Variants in SF3B2 observed in about 807,000 individuals in gnomAD.
The protein encoded by SF3B2 is SAP 145.
In SF3B2, 22 loss-of-function variants were observed where a neutral mutation model predicts 116.3. That is an observed-to-expected ratio of 0.19 (90% CI 0.14 to 0.27). The LOEUF (loss-of-function observed/expected upper bound fraction) is 0.27. Among genes scored for constraint, SF3B2 ranks in the 10% least tolerant of loss-of-function variants. The pLI is 1.00. For missense variants in SF3B2, 767 were observed against 1,151.4 expected (o/e 0.67, Z 4.83); for synonymous variants, 406 against 421.6 (o/e 0.96, Z 0.45).
rs1479769671 is a variant in SF3B2 at position 66,058,922 on chromosome 11, C to T, written c.1059C>T (p.Asp353=). 6.2e-7 allele frequency: 1 copy of T among 1,614,104 alleles called. No individual in the cohort carries two copies. Among genetic ancestry groups the T allele is most frequent in the Admixed American group, 1.7e-5 (1 of 60,030 alleles). The part of the protein sequence containing the change: ...SSESSGDREK[D]STRSRGSDSP... ...AGAGCTCTGGGGACCGGGAGAAAGA[C>T]TCAACCCGGTCCCGTGGCTCTGATT... The change falls in exon 10 of 22, where the codon GAC becomes GAT. Residue 353 remains aspartate, a synonymous_variant. Transcript: ENST00000322535.
intron 7 of SF3B2, 99 bp from the exon 8 acceptor site, chr11:66,057,953 CAA>C (rs1272660779): frequency 2.6e-5 from 23 of 885,550 alleles, no homozygotes; most frequent in Admixed American, 1.3e-4. Context: ...GCCTGGGCAA[CAA>C]GAGCAAAACT....
rs1390791432 is a variant in SF3B2, at chr11:66,059,444, A to T, written c.1321-71A>T. On this transcript the variant is annotated intron_variant, in intron 11 of 21. Transcript: ENST00000322535. The surrounding 1 kb of genome is among the most constrained non-coding windows in gnomAD (Gnocchi z 5.0). The stretch of plus-strand genomic sequence containing the variant: ...ACTCTTACAGAGCTTTGGTGGCTTA[A>T]GGTTGGGGTGGGTTGGGCAGTTTCA... The T allele has an allele frequency of 6.2e-7, 1 of 1,608,784 alleles. No individual in the cohort carries two copies. Among genetic ancestry groups the T allele is most frequent in the East Asian group, 2.2e-5 (1 of 44,832 alleles).
chr11:66,052,617 G>A, intron 1 of SF3B2, 56 bp from the exon 2 acceptor site: 1 of 1,592,036 alleles, frequency 6.3e-7, no homozygotes, highest in Non-Finnish European at 8.6e-7. Context: ...GCAGGCCGCT[G>A]GGGCCTGACC....
Position 66,059,473 on chromosome 11 carries a change from A to G in SF3B2, c.1321-42A>G, listed in dbSNP as rs1590713009. 4.3e-6 allele frequency: 7 copies of G among 1,611,648 alleles called. No homozygotes were observed. The highest frequency in any genetic ancestry group is 5.9e-6 in the Non-Finnish European group (7 of 1,178,024). On this transcript the variant is annotated intron_variant, in intron 11 of 21. Transcript: ENST00000322535. The surrounding 1 kb of genome is among the most constrained non-coding windows in gnomAD (Gnocchi z 5.0). ...TGGGGTGGGTTGGGCAGTTTCATTCACATCTGAGTCCTGCTTAAAAGGGCT... is the reference window on the plus strand; with the variant it reads ...TGGGGTGGGTTGGGCAGTTTCATTCGCATCTGAGTCCTGCTTAAAAGGGCT...
In SF3B2 at chr11:66,053,247, G is replaced by C. The variant is rs1188511478; in HGVS notation, c.258+143G>C. 7.9e-5 allele frequency: 62 copies of C among 786,320 alleles called. 1 individual carries two copies. In the Admixed American group the frequency reaches 1.2e-3, roughly 15 times the overall value. 48.7% of individuals were successfully genotyped at this position (786,320 alleles called of 1,614,324 possible). A position where few individuals can be genotyped will look rare whatever the true frequency, so the allele number is the denominator to read the frequency against. ...CCTGACCTGAGTGGGGAAAAAAAAAGATTCCATATGTTCAGGGTAGCCCTT... is the reference window on the plus strand; with the variant it reads ...CCTGACCTGAGTGGGGAAAAAAAAACATTCCATATGTTCAGGGTAGCCCTT... On this transcript the variant is annotated intron_variant, in intron 3 of 21. Transcript: ENST00000322535.
chr11:66,063,193 CAG>C lies in SF3B2; in HGVS notation c.2085+78_2085+79del. ...GATTGTTGGTTTATAGCTTCATTAT[CAG>C]GGAGTTGTGTGTTCTGACACAGCAG... On this transcript the variant is annotated intron_variant, in intron 17 of 21. Coordinates refer to ENST00000322535, the MANE Select transcript of SF3B2 (RefSeq NM_006842.3). The C allele has an allele frequency of 4.2e-6, 5 of 1,198,060 alleles. No homozygotes were observed. The South Asian group carries it at 6.8e-5, about 16-fold the overall frequency. The allele number at this position is 1,198,060 out of a possible 1,614,324, so 74.2% of individuals were successfully genotyped here. A position where few individuals can be genotyped will look rare whatever the true frequency, so the allele number is the denominator to read the frequency against.
At chr11:66,065,797 G>T (rs1306888155) in intron 19 of SF3B2, 1 of 151,964 alleles carries the variant, frequency 6.6e-6, no homozygotes, top group African/African-American at 2.4e-5. Context: ...TTTGATTTCG[G>T]GTCTTTTAAA....
intron 13 of SF3B2, 50 bp downstream of exon 13, chr11:66,060,059 A>G (rs755847668): frequency 1.3e-6 from 2 of 1,526,626 alleles, no homozygotes; most frequent in South Asian, 1.1e-5. Context: ...CCCATCCTTC[A>G]TAGCAGTGTG....
chr11:66,062,874 T>G, intron 16 of SF3B2, 135 bp from the exon 17 acceptor site: 1 of 502,950 alleles, frequency 2.0e-6, no homozygotes, highest in African/African-American at 2.0e-5. Context: ...TTCATAACAT[T>G]TGATTTAATT....
intron 5 of SF3B2, among the ~76,000 whole-genome samples, chr11:66,056,329 G>T (rs1488520743): frequency 6.6e-6 from 1 of 151,296 alleles, no homozygotes; most frequent in Non-Finnish European, 1.5e-5. Context: ...GAGCTGGGGA[G>T]GCCGAGGTTG....
At position 66,068,618 on chromosome 11, in the gene SF3B2, G is replaced by T. The variant is rs1857233758; in HGVS notation, c.2617-56G>T. 6 of 1,474,310 alleles carry T rather than the reference G, an allele frequency of 4.1e-6. No homozygotes were observed. In the South Asian group the frequency reaches 6.9e-5, roughly 17 times the overall value. The allele number at this position is 1,474,310 out of a possible 1,614,324, so 91.3% of individuals were successfully genotyped here. A position where few individuals can be genotyped will look rare whatever the true frequency, so the allele number is the denominator to read the frequency against. On this transcript the variant is annotated intron_variant, in intron 21 of 21. Coordinates refer to ENST00000322535, the MANE Select transcript of SF3B2 (RefSeq NM_006842.3). ...ATGTCAGGCTGCCCACCCTTGTTTT[G>T]GGGGTCCGGGGGTGGTTCAACCTGT...
At chr11:66,060,451 G>A in intron 13 of SF3B2, 131 bp from the exon 14 acceptor site, 1 of 1,076,692 alleles carries the variant, frequency 9.3e-7, no homozygotes, top group Non-Finnish European at 1.3e-6. Flanking sequence ...GGTTTTAGCA[G>A]GAAGGATTTT....
In SF3B2 at chr11:66,068,281, T is replaced by G; in HGVS notation, c.2564T>G (p.Val855Gly). The change falls in exon 21 of 22, where the codon GTA (valine) becomes GGA (glycine). Residue 855 changes from valine to glycine, a missense_variant. By Grantham distance (109) the Val-to-Gly change is moderately radical. This residue lies in a region of SF3B2 where 282 missense variants were observed against 568.0 expected (regional missense o/e 0.50). Transcript: ENST00000322535. ...CATGTGCGGGAGCAGCAGGCTCAAG[T>G]AGAGAAGGAGGACTTCAGTGACATG... is the stretch of plus-strand genomic sequence containing the variant. ...EEHVREQQAQ[V>G]EKEDFSDMVA... 6.2e-7 allele frequency: 1 copy of G among 1,613,736 alleles called. No individual in the cohort carries two copies. The highest frequency in any genetic ancestry group is 8.5e-7 in the Non-Finnish European group (1 of 1,179,956).
chr11:66,053,165 A>G (rs1277452568), intron 3 of SF3B2, 61 bp downstream of exon 3: 36 of 1,481,154 alleles, frequency 2.4e-5, no homozygotes, highest in Non-Finnish European at 3.3e-5. Flanking sequence ...GTTCATGAGC[A>G]TGATGATTGG....
intron 5 of SF3B2, chr11:66,055,841 A>C: frequency 2.0e-6 from 1 of 492,852 alleles, no homozygotes; most frequent in Non-Finnish European, 3.6e-6. Flanking sequence ...CCAAACCAAA[A>C]ATATGTACCA....
intron 5 of SF3B2, 40 bp downstream of exon 5, chr11:66,055,625 T>C: frequency 2.5e-6 from 4 of 1,596,310 alleles, no homozygotes; most frequent in Non-Finnish European, 3.4e-6. Context: ...CGTGGTCCAG[T>C]CAGTTGGCTG....
intron 3 of SF3B2, chr11:66,053,399 C>G (rs955600070): frequency 2.5e-5 from 11 of 436,114 alleles, no homozygotes; most frequent in Non-Finnish European, 4.2e-5. Flanking sequence ...CAGCTTGTGG[C>G]CGGGTGCAGT....
At chr11:66,063,181 T>C in intron 17 of SF3B2, 65 bp downstream of exon 17, 1 of 1,261,768 alleles carries the variant, frequency 7.9e-7, no homozygotes, top group Non-Finnish European at 1.1e-6. Flanking sequence ...TGTTGGTTTA[T>C]AGCTTCATTA....
intron 6 of SF3B2, 52 bp downstream of exon 6, chr11:66,057,007 T>C (rs780924317): frequency 1.5e-6 from 2 of 1,335,714 alleles, no homozygotes; most frequent in African/African-American, 1.4e-5. Flanking sequence ...TAGACATTTT[T>C]AAAAAGACTT....
Sources: allele counts gnomAD v4.1 joint callset (sites outside exome capture counted in the v4.1 genomes callset), GRCh38; gene constraint gnomAD v4.1.1; regional missense constraint gnomAD v4.1.1; non-coding constraint Gnocchi (gnomAD v3.1); transcripts MANE v1.5; gene names NCBI Gene and HGNC (gene_info 2026-07-23, HGNC 2026-07-21).